PACSIN1: variants seen among roughly 807,000 people sequenced by gnomAD.
PACSIN1 encodes protein kinase C and casein kinase substrate in neurons 1.
Under a neutral mutation model 59.5 loss-of-function variants are expected in PACSIN1, and 15 were observed. The observed-to-expected ratio is 0.25, with a 90% CI of 0.17 to 0.39. The LOEUF (loss-of-function observed/expected upper bound fraction) is 0.39, where lower values mean the gene tolerates loss of function less well. Among genes scored for constraint, PACSIN1 ranks in the 10% least tolerant of loss-of-function variants. The pLI is 1.00. For missense variants in PACSIN1, 420 were observed against 580.2 expected (o/e 0.72, Z 2.84); for synonymous variants, 210 against 220.6 (o/e 0.95, Z 0.42).
At chr6:34,479,472 T>C (rs748119730) in intron 1 of PACSIN1, among the ~76,000 whole-genome samples, 2 of 152,178 alleles carry the variant, frequency 1.3e-5, no homozygotes, top group African/African-American at 2.4e-5. Context: ...TGAGACAGGG[T>C]CTTGCTCAGG....
At chr6:34,476,759 T>C (rs9366858) in intron 1 of PACSIN1, among the ~76,000 whole-genome samples, 139,147 of 152,246 alleles carry the variant, frequency 0.91, 63,862 homozygotes, top group East Asian at 0.99. Context: ...TGGCTTGGCT[T>C]GGCTTGGGGG....
chr6:34,527,098 A>C (rs1005534062), intron 2 of PACSIN1, among the ~76,000 whole-genome samples: 2 of 147,406 alleles, frequency 1.4e-5, no homozygotes, highest in South Asian at 2.1e-4. Context: ...AATTGGGGTG[A>C]GGGTGCGTGT....
intron 1 of PACSIN1, among the ~76,000 whole-genome samples, chr6:34,487,664 C>A (rs1766814471): frequency 6.6e-6 from 1 of 152,152 alleles, no homozygotes; most frequent in Non-Finnish European, 1.5e-5. Flanking sequence ...GAACATCATA[C>A]CATATTAAGA....
chr6:34,493,740 CAAAACCA>C (rs1442510468), intron 1 of PACSIN1, among the ~76,000 whole-genome samples: 2 of 142,012 alleles, frequency 1.4e-5, no homozygotes, highest in Non-Finnish European at 3.2e-5. Context: ...CAAGGGTCTT[CAAAACCA>C]AATCCTGGCA....
chr6:34,502,611 G>A (rs546423400), intron 1 of PACSIN1, among the ~76,000 whole-genome samples: 10 of 151,622 alleles, frequency 6.6e-5, no homozygotes, highest in Admixed American at 2.0e-4. Flanking sequence ...GACTACAGGC[G>A]CCCACCATGA....
intron 1 of PACSIN1, among the ~76,000 whole-genome samples, chr6:34,472,797 G>T (rs965998677): frequency 6.6e-6 from 1 of 152,196 alleles, no homozygotes; most frequent in East Asian, 1.9e-4. Flanking sequence ...TGTAGAAGGA[G>T]TATGGCAGAA....
Position 34,530,388 on chromosome 6 carries a change from G to A in PACSIN1, c.909+25G>A, listed in dbSNP as rs899095629. 1.4e-5 allele frequency: 22 copies of A among 1,611,646 alleles called. No individual in the cohort carries two copies. The highest frequency in any genetic ancestry group is 1.3e-5 in the African/African-American group (1 of 74,866). On this transcript the variant is annotated intron_variant, in intron 7 of 9. Coordinates refer to ENST00000244458, the MANE Select transcript of PACSIN1 (RefSeq NM_020804.5). The surrounding 1 kb of genome is among the most constrained non-coding windows in gnomAD (Gnocchi z 4.4). Reference sequence around the variant, plus strand: ...GGTGAGGATATGTGGGGATGGGAAGGGGAGCCTGAAGAGGCTGAAAGGTGC... The same window carrying A: ...GGTGAGGATATGTGGGGATGGGAAGAGGAGCCTGAAGAGGCTGAAAGGTGC...
chr6:34,494,049 G>A (rs1211365623), intron 1 of PACSIN1, among the ~76,000 whole-genome samples: 1 of 152,218 alleles, frequency 6.6e-6, no homozygotes, highest in African/African-American at 2.4e-5. Flanking sequence ...CAAAACTGAG[G>A]CCAGTTACTT....
chr6:34,506,494 C>T lies in PACSIN1; in HGVS notation c.-63-19749C>T, dbSNP rs183511211. On this transcript the variant is annotated intron_variant, in intron 1 of 9. Transcript: ENST00000244458. ...TCTCCTAAAGTGCTAGAATTGCAGG[C>T]GTGAGCCATTGCTCATGGCCACAGA... 8.0e-4 allele frequency among the ~76,000 whole-genome samples: 122 copies of T among 152,336 alleles called. 1 individual carries two copies. Among genetic ancestry groups the T allele is most frequent in the African/African-American group, 2.8e-3 (115 of 41,568 alleles).
In PACSIN1 at chr6:34,521,201, G is replaced by A. The variant is rs889779517; in HGVS notation, c.-63-5042G>A. 6.6e-6 allele frequency among the ~76,000 whole-genome samples: 1 copy of A among 152,164 alleles called. No homozygotes were observed. The highest frequency in any genetic ancestry group is 1.5e-5 in the Non-Finnish European group (1 of 68,028). On this transcript the variant is annotated intron_variant, in intron 1 of 9. Transcript: ENST00000244458. The surrounding 1 kb of genome is among the most constrained non-coding windows in gnomAD (Gnocchi z 4.3). ...ATGCCGTGCTGTGGATGCCGTGTCC[G>A]GTGGTGACGAGGGCTGTGAAGAATA...
At chr6:34,524,650 T>G (rs1767452909) in intron 1 of PACSIN1, among the ~76,000 whole-genome samples, 1 of 152,238 alleles carries the variant, frequency 6.6e-6, no homozygotes, top group Non-Finnish European at 1.5e-5. Flanking sequence ...GTATTTGGGC[T>G]GTTTCCAGCC....
At position 34,516,935 on chromosome 6, in the gene PACSIN1, G is replaced by A. The variant is rs1412873373; in HGVS notation, c.-63-9308G>A. On this transcript the variant is annotated intron_variant, in intron 1 of 9. Coordinates refer to ENST00000244458, the MANE Select transcript of PACSIN1 (RefSeq NM_020804.5). This position sits in a 1 kb window ranked among gnomAD's most constrained non-coding sequence, Gnocchi z 5.4. ...TGGAGCTCAGCAGGGGCTGGGGCCT[G>A]GGACACAGGAACAATCTGGCTCCCG... Among the ~76,000 whole-genome samples, 1 of 152,104 alleles carries A rather than the reference G, an allele frequency of 6.6e-6. No individual in the cohort carries two copies. Among genetic ancestry groups the A allele is most frequent in the African/African-American group, 2.4e-5 (1 of 41,410 alleles).
intron 2 of PACSIN1, among the ~76,000 whole-genome samples, chr6:34,526,740 G>C (rs556965158): frequency 6.6e-6 from 1 of 152,328 alleles, no homozygotes; most frequent in East Asian, 1.9e-4. Flanking sequence ...CGGACACAGA[G>C]AGAGGGAGTG....
intron 1 of PACSIN1, among the ~76,000 whole-genome samples, chr6:34,499,565 G>A (rs748581905): frequency 5.3e-5 from 8 of 152,142 alleles, no homozygotes; most frequent in Non-Finnish European, 8.8e-5. Context: ...AGGCTGAGGC[G>A]GAAAGATCAC....
At chr6:34,510,818 T>C (rs972088921) in intron 1 of PACSIN1, among the ~76,000 whole-genome samples, 1 of 152,206 alleles carries the variant, frequency 6.6e-6, no homozygotes, top group African/African-American at 2.4e-5. Context: ...GTTCAGGCAA[T>C]TCTCCTGCCT....
Position 34,532,781 on chromosome 6 carries a change from C to T in PACSIN1, c.*251C>T, listed in dbSNP as rs1767625139. ...AGTCTTAGGACTTAGCCCAACATCA[C>T]AACATCTGCTCTTCGGGTTCCACCA... On this transcript the variant is annotated 3_prime_UTR_variant, in exon 10 of 10. Coordinates refer to ENST00000244458, the MANE Select transcript of PACSIN1 (RefSeq NM_020804.5). This position sits in a 1 kb window ranked among gnomAD's most constrained non-coding sequence, Gnocchi z 5.2. 3 of 451,722 alleles carry T rather than the reference C, an allele frequency of 6.6e-6. No homozygotes were observed. Among genetic ancestry groups the T allele is most frequent in the Non-Finnish European group, 1.2e-5 (3 of 253,302 alleles). 28.0% of individuals were successfully genotyped at this position (451,722 alleles called of 1,614,324 possible).
chr6:34,529,642 C>T lies in PACSIN1; in HGVS notation c.613-24C>T. 6.2e-7 allele frequency: 1 copy of T among 1,612,982 alleles called. No individual in the cohort carries two copies. ...GCTGCAGGCCTGGCTAGGTGTCACC[C>T]TCTCTCCACTCTGGTGCCCACAGAC... On this transcript the variant is annotated intron_variant, in intron 5 of 9. Coordinates refer to ENST00000244458, the MANE Select transcript of PACSIN1 (RefSeq NM_020804.5). This position sits in a 1 kb window ranked among gnomAD's most constrained non-coding sequence, Gnocchi z 6.3.
At chr6:34,507,576 G>A (rs1767134148) in intron 1 of PACSIN1, among the ~76,000 whole-genome samples, 1 of 150,472 alleles carries the variant, frequency 6.6e-6, no homozygotes, top group African/African-American at 2.4e-5. Context: ...CACATAACAT[G>A]AGATCTACCC....
chr6:34,519,919 A>G (rs931341951), intron 1 of PACSIN1, among the ~76,000 whole-genome samples: 4 of 152,128 alleles, frequency 2.6e-5, no homozygotes, highest in African/African-American at 9.7e-5. Context: ...CCACTCCTGA[A>G]CCAGCAAGAC....
Sources: allele counts gnomAD v4.1 joint callset (sites outside exome capture counted in the v4.1 genomes callset), GRCh38; gene constraint gnomAD v4.1.1; non-coding constraint Gnocchi (gnomAD v3.1); transcripts MANE v1.5; gene names NCBI Gene and HGNC (gene_info 2026-07-23, HGNC 2026-07-21).